GPD2: variants seen among roughly 807,000 people sequenced by gnomAD.
GPD2 encodes glycerol-3-phosphate dehydrogenase 2.
Under a neutral mutation model 82.4 loss-of-function variants are expected in GPD2, and 54 were observed. That is an observed-to-expected ratio of 0.66 (90% CI 0.53 to 0.82). GPD2 has a LOEUF of 0.82. Among genes scored for constraint, GPD2 ranks in the 40% least tolerant of loss-of-function variants. The pLI is 0.00. For missense variants in GPD2, 748 were observed against 896.2 expected (o/e 0.83, Z 2.11); for synonymous variants, 288 against 306.1 (o/e 0.94, Z 0.62).
At chr2:156,477,093 C>T (rs1330225108) in intron 2 of GPD2, among the ~76,000 whole-genome samples, 3 of 152,132 alleles carry the variant, frequency 2.0e-5, no homozygotes, top group East Asian at 1.9e-4. Flanking sequence ...TGGAGCCAGG[C>T]GCATTGCTTG....
the GPD2 span, among the ~76,000 whole-genome samples, chr2:156,408,767 G>T: frequency 6.6e-6 from 1 of 151,620 alleles, no homozygotes; most frequent in East Asian, 1.9e-4. Context: ...GCTCCTGAAG[G>T]ATCTTGGCTG....
rs1440160281 is a variant in GPD2, at chr2:156,568,840, T to TC, written c.1183dup (p.Leu395ProfsTer29). ...TTCCTACCAGTGAGAAGAGGGGATGTCCTGGCAGCATGGAGTGGAATCCGT... is the reference window on the plus strand; with the variant it reads ...TTCCTACCAGTGAGAAGAGGGGATGTCCCTGGCAGCATGGAGTGGAATCCGT... On this transcript the variant is annotated frameshift_variant, in exon 10 of 17. Coordinates refer to ENST00000438166, the MANE Select transcript of GPD2 (RefSeq NM_000408.5). LOFTEE classifies it high-confidence loss of function. 1 of 1,612,970 alleles carries TC rather than the reference T, an allele frequency of 6.2e-7. No individual in the cohort carries two copies. Among genetic ancestry groups the TC allele is most frequent in the Non-Finnish European group, 8.5e-7 (1 of 1,179,174 alleles).
intron 1 of GPD2, among the ~76,000 whole-genome samples, chr2:156,470,301 TCCTCCCA>T (rs1322958874): frequency 1.3e-5 from 2 of 152,008 alleles, no homozygotes; most frequent in East Asian, 3.9e-4. Flanking sequence ...CACACATGAT[TCCTCCCA>T]CTTTGGCCTC....
intron 6 of GPD2, among the ~76,000 whole-genome samples, chr2:156,532,388 A>T (rs1027045115): frequency 1.3e-5 from 2 of 152,178 alleles, no homozygotes; most frequent in Non-Finnish European, 2.9e-5. Context: ...ACATCTAGGT[A>T]TAATCAAGGG....
At chr2:156,436,291 G>C (rs992154583), upstream of GPD2, 1 of 152,900 alleles carries the variant, frequency 6.5e-6, no homozygotes, top group Non-Finnish European at 1.5e-5. Context: ...GAGGGAGCAG[G>C]CGCGGGAGCG....
chr2:156,435,177 C>G (rs1051336844), upstream of GPD2: 1 of 152,154 alleles, frequency 6.6e-6, no homozygotes, highest in Non-Finnish European at 1.5e-5. Context: ...TGACTTAATA[C>G]TTTATTTAAA....
chr2:156,463,932 G>A (rs1016564051), intron 1 of GPD2, among the ~76,000 whole-genome samples: 4 of 152,150 alleles, frequency 2.6e-5, no homozygotes, highest in African/African-American at 7.2e-5. Flanking sequence ...CTAGACTATA[G>A]TACTTGAATG....
At chr2:156,466,959 G>A (rs551879114) in intron 1 of GPD2, among the ~76,000 whole-genome samples, 5 of 152,190 alleles carry the variant, frequency 3.3e-5, no homozygotes, top group Non-Finnish European at 5.9e-5. Context: ...GGCCAACCTC[G>A]TTCTCACTGT....
At chr2:156,449,853 A>G (rs957145908) in intron 1 of GPD2, among the ~76,000 whole-genome samples, 10 of 138,828 alleles carry the variant, frequency 7.2e-5, no homozygotes, top group Admixed American at 1.5e-4. Flanking sequence ...TCTACTAAAT[A>G]TACAAAAAAA....
At chr2:156,423,014 T>A in the GPD2 span, among the ~76,000 whole-genome samples, 1 of 152,218 alleles carries the variant, frequency 6.6e-6, no homozygotes, top group African/African-American at 2.4e-5. Flanking sequence ...CCCCAGGGAT[T>A]GTTCTAAGAA....
At chr2:156,433,145 G>C (rs1444760824), upstream of GPD2, among the ~76,000 whole-genome samples, 1 of 152,092 alleles carries the variant, frequency 6.6e-6, no homozygotes, top group Non-Finnish European at 1.5e-5. Context: ...ATTCCTGGGC[G>C]TAGGCTGAAC....
At chr2:156,489,841 C>G (rs550753994) in intron 2 of GPD2, among the ~76,000 whole-genome samples, 67 of 672 alleles carry the variant, frequency 0.1, 1 homozygote, top group Non-Finnish European at 0.16. Context: ...CCTCCCCTCC[C>G]CTCCCTTCCT....
chr2:156,557,392 A>G lies in GPD2; in HGVS notation c.975A>G (p.Pro325=). ...VHIVMPGYYS[P]ESMGLLDPAT... ...ATAATCCTTCTTTGTATCTCAGCCCAGAGAGCATGGGACTTCTTGACCCAG... is the reference window on the plus strand; with the variant it reads ...ATAATCCTTCTTTGTATCTCAGCCCGGAGAGCATGGGACTTCTTGACCCAG... Residue 325 remains proline, a synonymous_variant, in exon 9 of 17, where the codon CCA becomes CCG. Transcript: ENST00000438166. 1 of 1,587,810 alleles carries G rather than the reference A, an allele frequency of 6.3e-7. No individual in the cohort carries two copies. Among genetic ancestry groups the G allele is most frequent in the Non-Finnish European group, 8.6e-7 (1 of 1,156,580 alleles).
chr2:156,543,653 T>A (rs914191607), intron 6 of GPD2, among the ~76,000 whole-genome samples: 4 of 152,160 alleles, frequency 2.6e-5, no homozygotes, highest in African/African-American at 9.7e-5. Flanking sequence ...AAAGGAAGGA[T>A]TAAAAGTTGA....
At chr2:156,555,489 A>G (rs573388514) in intron 8 of GPD2, among the ~76,000 whole-genome samples, 1 of 152,314 alleles carries the variant, frequency 6.6e-6, no homozygotes, top group East Asian at 1.9e-4. Context: ...ACATGTCAGC[A>G]TATAATTCGT....
At chr2:156,496,647 A>G (rs1353226547) in intron 3 of GPD2, among the ~76,000 whole-genome samples, 2 of 144,946 alleles carry the variant, frequency 1.4e-5, no homozygotes, top group Admixed American at 7.2e-5. Context: ...TTTCACTTCA[A>G]TGAATTTGTT....
chr2:156,512,468 A>G lies in GPD2; in HGVS notation c.497+151A>G, dbSNP rs958253927. The G allele has an allele frequency of 1.1e-5, 7 of 664,626 alleles. No individual in the cohort carries two copies. In the African/African-American group the frequency reaches 1.3e-4, roughly 12 times the overall value. 41.2% of individuals were successfully genotyped at this position (664,626 alleles called of 1,614,324 possible). On this transcript the variant is annotated intron_variant, in intron 5 of 16. Transcript: ENST00000438166. ...CTTTTGAAGTATTTTCCTTTGTTGT[A>G]TTTAAAAGTATGGCTTTTCTTAAAT...
the GPD2 span, among the ~76,000 whole-genome samples, chr2:156,409,078 C>T: frequency 6.6e-6 from 1 of 152,078 alleles, no homozygotes; most frequent in Admixed American, 6.6e-5. Context: ...AAGAAAAAAC[C>T]ACCAGAAGCC....
intron 6 of GPD2, among the ~76,000 whole-genome samples, chr2:156,519,236 ATTATT>A (rs1191459138): frequency 6.6e-6 from 1 of 152,066 alleles, no homozygotes; most frequent in Admixed American, 6.6e-5. Flanking sequence ...GTAATTTGTC[ATTATT>A]TTATTTCTTT....
Sources: allele counts gnomAD v4.1 joint callset (sites outside exome capture counted in the v4.1 genomes callset), GRCh38; gene constraint gnomAD v4.1.1; transcripts MANE v1.5; gene names NCBI Gene and HGNC (gene_info 2026-07-23, HGNC 2026-07-21).